PALM2AKAP2: variants seen among roughly 807,000 people sequenced by gnomAD.
The protein encoded by PALM2AKAP2 is PALM2 and AKAP2 fusion, also known as PALM2-AKAP2 fusion protein.
A neutral mutation model predicts 71.5 loss-of-function variants in PALM2AKAP2; 37 were observed. That is an observed-to-expected ratio of 0.52 (90% CI 0.40 to 0.68). The LOEUF is 0.68. Among genes scored for constraint, PALM2AKAP2 ranks in the 30% least tolerant of loss-of-function variants. PALM2AKAP2 has a pLI of 0.00. For synonymous variants in PALM2AKAP2, 468 were observed against 478.8 expected, an observed-to-expected ratio of 0.98 and a Z score of 0.29; for missense variants, 1,224 against 1,191.8, an observed-to-expected ratio of 1.03 and a Z score of -0.40.
At chr9:110,055,168 T>A (rs1833806359) in intron 1 of PALM2AKAP2, among the ~76,000 whole-genome samples, 1 of 134,672 alleles carries the variant, frequency 7.4e-6, no homozygotes. Flanking sequence ...CCTAGTTTTT[T>A]AGTTTTTTTT....
chr9:110,162,241 CTT>C, intron 3 of PALM2AKAP2, 109 bp downstream of exon 10: 1 of 1,499,080 alleles, frequency 6.7e-7, no homozygotes, highest in Non-Finnish European at 9.3e-7. Context: ...AGAAAAATGA[CTT>C]GTCTCCATAT....
chr9:109,990,477 G>A (rs373108896), intron 6 of PALM2AKAP2, among the ~76,000 whole-genome samples: 354 of 152,286 alleles, frequency 2.3e-3, no homozygotes, highest in African/African-American at 8.2e-3. Flanking sequence ...GTATAGTGTC[G>A]TCAAAGCTCT....
At chr9:110,088,243 T>G (rs1406012141) in intron 1 of PALM2AKAP2, among the ~76,000 whole-genome samples, 1 of 134,322 alleles carries the variant, frequency 7.4e-6, no homozygotes, top group Non-Finnish European at 1.5e-5. Context: ...GTATGCCCTA[T>G]GTAATGAAGT....
intron 3 of PALM2AKAP2, among the ~76,000 whole-genome samples, chr9:109,913,751 AT>A (rs1369032900): frequency 2.4e-5 from 3 of 124,116 alleles, no homozygotes; most frequent in African/African-American, 9.4e-5. Context: ...CAAGATGCTT[AT>A]TTCTTTTTTT....
intron 7 of PALM2AKAP2, among the ~76,000 whole-genome samples, chr9:110,021,446 A>G (rs573173591): frequency 1.3e-5 from 2 of 152,208 alleles, no homozygotes; most frequent in African/African-American, 2.4e-5. Flanking sequence ...GTAGTTTGTT[A>G]TGGCAACCCT....
chr9:109,655,018 G>A (rs1827279628), intron 1 of PALM2AKAP2, among the ~76,000 whole-genome samples: 1 of 152,076 alleles, frequency 6.6e-6, no homozygotes, highest in African/African-American at 2.4e-5. Context: ...GGCCGGGCGC[G>A]GTGGCTCACG....
intron 3 of PALM2AKAP2, among the ~76,000 whole-genome samples, chr9:109,921,735 A>C (rs1830835059): frequency 6.6e-6 from 1 of 152,160 alleles, no homozygotes; most frequent in African/African-American, 2.4e-5. Context: ...GCTCTATTTG[A>C]CTAATGCATG....
chr9:109,895,650 C>T (rs1009117739), intron 3 of PALM2AKAP2, among the ~76,000 whole-genome samples: 6 of 152,162 alleles, frequency 3.9e-5, no homozygotes, highest in Admixed American at 1.3e-4. Flanking sequence ...AAGGGAGATT[C>T]TGTAAATGAG....
chr9:109,889,843 T>C (rs1168548330), intron 3 of PALM2AKAP2, among the ~76,000 whole-genome samples: 1 of 152,182 alleles, frequency 6.6e-6, no homozygotes, highest in African/African-American at 2.4e-5. Flanking sequence ...TTCCATACAC[T>C]GAGGCCATGT....
At chr9:110,063,637 T>A (rs1834012311) in intron 1 of PALM2AKAP2, among the ~76,000 whole-genome samples, 1 of 151,788 alleles carries the variant, frequency 6.6e-6, no homozygotes. Context: ...AGAGACAAAA[T>A]TTCACCACGT....
intron 6 of PALM2AKAP2, among the ~76,000 whole-genome samples, chr9:109,986,756 G>A (rs1832386185): frequency 6.6e-6 from 1 of 152,024 alleles, no homozygotes. Context: ...CATATGTTTT[G>A]AAAACTTCTG....
At chr9:109,979,363 G>A (rs747101096) in intron 6 of PALM2AKAP2, among the ~76,000 whole-genome samples, 3 of 152,124 alleles carry the variant, frequency 2.0e-5, no homozygotes, top group Admixed American at 1.3e-4. Context: ...CTCAAGCCCC[G>A]CCTGTCTTAA....
At chr9:110,000,506 C>A (rs1021811244) in intron 6 of PALM2AKAP2, among the ~76,000 whole-genome samples, 3 of 152,244 alleles carry the variant, frequency 2.0e-5, no homozygotes, top group East Asian at 3.9e-4. Flanking sequence ...AGCATGATTT[C>A]TAATCCTTTG....
At chr9:109,993,404 T>C (rs908001706) in intron 6 of PALM2AKAP2, among the ~76,000 whole-genome samples, 1 of 152,164 alleles carries the variant, frequency 6.6e-6, no homozygotes. Flanking sequence ...TCCAGCATTC[T>C]AAGGGAAGTC....
At chr9:109,900,915 CTCT>C (rs1365153529) in intron 3 of PALM2AKAP2, among the ~76,000 whole-genome samples, 1 of 152,218 alleles carries the variant, frequency 6.6e-6, no homozygotes, top group African/African-American at 2.4e-5. Context: ...CAGTGATGGT[CTCT>C]TCTTCTAAAA....
At chr9:110,098,044 G>A (rs1000385440) in intron 1 of PALM2AKAP2, among the ~76,000 whole-genome samples, 3 of 144,504 alleles carry the variant, frequency 2.1e-5, no homozygotes, top group South Asian at 2.3e-4. Context: ...GCCTGCAATC[G>A]CAGGCACTCG....
At chr9:110,051,227 C>G (rs1833704140) in intron 1 of PALM2AKAP2, among the ~76,000 whole-genome samples, 2 of 152,232 alleles carry the variant, frequency 1.3e-5, no homozygotes. Context: ...CCTGCAGAGT[C>G]TGAAGTTATT....
chr9:109,695,918 C>T (rs1040329693), intron 1 of PALM2AKAP2, among the ~76,000 whole-genome samples: 3 of 151,942 alleles, frequency 2.0e-5, no homozygotes, highest in African/African-American at 7.3e-5. Flanking sequence ...TACAAACATA[C>T]AGTTAGAAGG....
intron 3 of PALM2AKAP2, among the ~76,000 whole-genome samples, chr9:109,895,449 C>T (rs1052443187): frequency 6.6e-6 from 1 of 152,200 alleles, no homozygotes; most frequent in South Asian, 2.1e-4. Context: ...TGCTCTCTCT[C>T]GGGACATCCT....
Sources: gnomAD v4.1 joint callset for allele counts (sites outside exome capture counted in the v4.1 genomes callset) on GRCh38, gnomAD v4.1.1 for gene constraint, MANE v1.5 for transcripts, NCBI Gene and HGNC (gene_info 2026-07-23, HGNC 2026-07-21) for gene names.